Variants in ESCO2 observed in about 807,000 individuals in gnomAD.
The protein encoded by ESCO2 is N-acetyltransferase ESCO2.
Under a neutral mutation model 61.7 loss-of-function variants are expected in ESCO2, and 51 were observed. That is an observed-to-expected ratio of 0.83 (90% CI 0.66 to 1.04). ESCO2 has a LOEUF of 1.04. ESCO2 is among the 50% of genes least tolerant of loss of function. ESCO2 has a pLI of 0.00. For missense variants in ESCO2, 692 were observed against 686.2 expected, an observed-to-expected ratio of 1.01 and a Z score of -0.09; for synonymous variants, 230 against 238.2, an observed-to-expected ratio of 0.97 and a Z score of 0.32.
chr8:27,803,912 T>A lies in ESCO2; in HGVS notation c.*474T>A. 3.0e-6 allele frequency: 3 copies of A among 996,356 alleles called. No individual in the cohort carries two copies. The South Asian group carries it at 1.3e-4, about 45-fold the overall frequency. The allele number at this position is 996,356 out of a possible 1,614,324, so 61.7% of individuals were successfully genotyped here. A position where few individuals can be genotyped will look rare whatever the true frequency, so the allele number is the denominator to read the frequency against. On this transcript the variant is annotated 3_prime_UTR_variant, in exon 11 of 11. Coordinates refer to ENST00000305188, the MANE Select transcript of ESCO2 (RefSeq NM_001017420.3). ...GTAAAGGGAATTCCTGAATTTTTTT[T>A]TTTTTTTAATAGAGGCATGGGTCTC... is the stretch of plus-strand genomic sequence containing the variant.
chr8:27,813,903 T>C (rs770394847), downstream of ESCO2, among the ~76,000 whole-genome samples: 11 of 150,698 alleles, frequency 7.3e-5, no homozygotes, highest in African/African-American at 1.2e-4. Flanking sequence ...TATTGGACTA[T>C]GATTTTTTTT....
At position 27,792,764 on chromosome 8, in the gene ESCO2, G is replaced by A. The variant is rs780797247; in HGVS notation, c.1450G>A (p.Asp484Asn). 2 of 1,610,048 alleles carry A rather than the reference G, an allele frequency of 1.2e-6. No homozygotes were observed. The highest frequency in any genetic ancestry group is 1.7e-6 in the Non-Finnish European group (2 of 1,178,748). The change falls in exon 9 of 11, where the codon GAT becomes AAT. Residue 484 changes from aspartate (D) to asparagine (N), a missense_variant. By Grantham distance (23) the Asp-to-Asn change is conservative (BLOSUM62 1). Coordinates refer to ENST00000305188, the MANE Select transcript of ESCO2 (RefSeq NM_001017420.3). The stretch of plus-strand genomic sequence containing the variant: ...AATAAAAACTTTTCTTTTTATATCT[G>A]ATGAAAAGAGAGTAGTTGGGTGTTT... ...NKIKTFLFIS[D>N]EKRVVGCLIA...
chr8:27,816,543 A>AT (rs540837838), downstream of ESCO2, among the ~76,000 whole-genome samples: 185 of 151,224 alleles, frequency 1.2e-3, no homozygotes, highest in African/African-American at 4.3e-3. Flanking sequence ...CGCCTGGTTA[A>AT]TTTTTTGTAT....
rs762809798 is a variant in ESCO2 at position 27,792,709 on chromosome 8, C to A, written c.1395C>A (p.Phe465Leu). The A allele has an allele frequency of 1.2e-6, 2 of 1,612,624 alleles. No homozygotes were observed. Among genetic ancestry groups the A allele is most frequent in the Admixed American group, 1.7e-5 (1 of 59,880 alleles). The change falls in exon 9 of 11, where the codon TTC becomes TTA. Residue 465 changes from phenylalanine to leucine, a missense_variant. By Grantham distance (22) the Phe-to-Leu change is conservative. Transcript: ENST00000305188. Reference sequence around the variant, plus strand: ...AACTTGTTGATAATGAATTGGGCTTCCAGCAAGTTGTTCCTAAATGTCCAA... The same window carrying A: ...AACTTGTTGATAATGAATTGGGCTTACAGCAAGTTGTTCCTAAATGTCCAA... Reference protein sequence around the residue: ...VQELVDNELGFQQVVPKCPNK... With the variant: ...VQELVDNELGLQQVVPKCPNK...
rs1287617925 is a variant in ESCO2, at chr8:27,799,595, T to A, written c.1552T>A (p.Cys518Ser). The change falls in exon 10 of 11, where the codon TGT becomes AGT. Residue 518 changes from cysteine to serine, a missense_variant. Cys to Ser is a moderately radical substitution (Grantham distance 112). Transcript: ENST00000305188. Reference protein sequence around the residue: ...IGPESPSSTECPRAWQCSDVP... With the variant: ...IGPESPSSTESPRAWQCSDVP... ...TCCAGAATCCCCAAGCTCTACGGAA[T>A]GTCCTAGGGCTTGGCAATGTTCAGA... 2 of 1,614,032 alleles carry A rather than the reference T, an allele frequency of 1.2e-6. No individual in the cohort carries two copies. Among genetic ancestry groups the A allele is most frequent in the Admixed American group, 3.3e-5 (2 of 60,002 alleles).
chr8:27,805,975 C>T (rs933537863), downstream of ESCO2, among the ~76,000 whole-genome samples: 5 of 152,068 alleles, frequency 3.3e-5, no homozygotes, highest in Non-Finnish European at 5.9e-5. Context: ...GGACCTGGGG[C>T]TCTTTGGAGA....
intron 9 of ESCO2, among the ~76,000 whole-genome samples, chr8:27,795,366 AT>A (rs1805271611): frequency 6.6e-6 from 1 of 152,020 alleles, no homozygotes; most frequent in Non-Finnish European, 1.5e-5. Context: ...TTGTATGTTG[AT>A]TTTGTATCCT....
Position 27,805,000 on chromosome 8 carries a change from C to CTTAATCCT in ESCO2, c.*1562_*1563insTTAATCCT, listed in dbSNP as rs1805530418. 447 of 227,168 alleles carry CTTAATCCT rather than the reference C, an allele frequency of 2.0e-3. 7 individuals are homozygous for CTTAATCCT. The highest frequency in any genetic ancestry group is 4.5e-3 in the East Asian group (21 of 4,698). The allele number at this position is 227,168 out of a possible 1,614,324, so 14.1% of individuals were successfully genotyped here. On this transcript the variant is annotated 3_prime_UTR_variant, in exon 11 of 11. Coordinates refer to ENST00000305188, the MANE Select transcript of ESCO2 (RefSeq NM_001017420.3). ...GAGATTGCCAAAAGAAGAGGCTTCC[C>CTTAATCCT]GGCCGGGCGCGGTGGCTCACGCCTG...
At chr8:27,808,363 C>A, downstream of ESCO2, 1 of 339,124 alleles carries the variant, frequency 2.9e-6, no homozygotes, top group Non-Finnish European at 5.0e-6. Flanking sequence ...TGAGAGAAGG[C>A]TATTTTGATT....
At chr8:27,784,398 A>G (rs1301758409) in intron 5 of ESCO2, among the ~76,000 whole-genome samples, 1 of 152,202 alleles carries the variant, frequency 6.6e-6, no homozygotes, top group East Asian at 1.9e-4. Context: ...TTTTCAGCCT[A>G]AGAAACTGTT....
chr8:27,817,158 C>T (rs1345016799), downstream of ESCO2, among the ~76,000 whole-genome samples: 5 of 152,132 alleles, frequency 3.3e-5, no homozygotes, highest in African/African-American at 1.2e-4. Flanking sequence ...GCTGCCAACA[C>T]ATTTCCCACA....
At chr8:27,790,772 A>G (rs765782635) in intron 7 of ESCO2, among the ~76,000 whole-genome samples, 1 of 152,236 alleles carries the variant, frequency 6.6e-6, no homozygotes, top group Non-Finnish European at 1.5e-5. Flanking sequence ...GTGTGCCAAC[A>G]TTACTGTTTG....
At chr8:27,801,964 A>G (rs1335760717) in intron 10 of ESCO2, among the ~76,000 whole-genome samples, 1 of 125,342 alleles carries the variant, frequency 8.0e-6, no homozygotes, top group African/African-American at 2.9e-5. Flanking sequence ...AATGTCCTTC[A>G]TGGCATTTTT....
rs144288263 is a variant in ESCO2, at chr8:27,787,965, G to A, written c.1094G>A (p.Arg365Lys). ...AATATCCAGAAAAATACTAATACCA[G>A]AGATACAAGTAAAAAAACAAAAGAC... ...QTNIQKNTNT[R>K]DTSKKTKDQL... is the part of the protein sequence containing the mutation. The change falls in exon 6 of 11, where the codon AGA becomes AAA. Residue 365 changes from arginine to lysine, a missense_variant. Coordinates refer to ENST00000305188, the MANE Select transcript of ESCO2 (RefSeq NM_001017420.3). 3.2e-3 allele frequency: 5,218 copies of A among 1,613,554 alleles called. 11 individuals carry two copies. Among genetic ancestry groups the A allele is most frequent in the Non-Finnish European group, 3.8e-3 (4,500 of 1,179,734 alleles).
At chr8:27,806,526 A>G (rs537124918), downstream of ESCO2, among the ~76,000 whole-genome samples, 200 of 152,318 alleles carry the variant, frequency 1.3e-3, no homozygotes, top group Non-Finnish European at 2.6e-3. Flanking sequence ...ACCAACAACA[A>G]AAAAGCCTGT....
chr8:27,810,028 T>A (rs1005828025), downstream of ESCO2: 7 of 371,718 alleles, frequency 1.9e-5, no homozygotes, highest in South Asian at 3.7e-5. Context: ...TGTTACAGTT[T>A]ACAGCGTTTT....
downstream of ESCO2, among the ~76,000 whole-genome samples, chr8:27,806,390 CTG>C (rs553522922): frequency 2.8e-4 from 42 of 152,252 alleles, no homozygotes; most frequent in South Asian, 1.2e-3. Context: ...TAATACCAGA[CTG>C]TGTTAATTAT....
rs541613867 is a variant in ESCO2 at position 27,774,586 on chromosome 8, C to T, written c.-38C>T. Reference sequence around the variant, plus strand: ...GAGCGGCTGGCTAGGCTGAGGAGAGCTCGCCGGGCTCTGAGGCGCAGGTAA... The same window carrying T: ...GAGCGGCTGGCTAGGCTGAGGAGAGTTCGCCGGGCTCTGAGGCGCAGGTAA... On this transcript the variant is annotated 5_prime_UTR_variant, in exon 1 of 11. Transcript: ENST00000305188. 6.6e-6 allele frequency: 1 copy of T among 152,278 alleles called. No individual in the cohort carries two copies. The highest frequency in any genetic ancestry group is 1.5e-5 in the Non-Finnish European group (1 of 68,096). 9.4% of individuals were successfully genotyped at this position (152,278 alleles called of 1,614,324 possible).
At chr8:27,795,449 C>A (rs990287981) in intron 9 of ESCO2, among the ~76,000 whole-genome samples, 12 of 152,098 alleles carry the variant, frequency 7.9e-5, no homozygotes, top group African/African-American at 2.9e-4. Flanking sequence ...TACATAAGTT[C>A]ATGTCATTTG....
Sources: gnomAD v4.1 joint callset for allele counts (sites outside exome capture counted in the v4.1 genomes callset) on GRCh38, gnomAD v4.1.1 for gene constraint, MANE v1.5 for transcripts, NCBI Gene and HGNC (gene_info 2026-07-23, HGNC 2026-07-21) for gene names.